Variants in AGO2 observed in about 807,000 individuals in gnomAD.
AGO2 encodes protein argonaute-2.
In AGO2, 5 loss-of-function variants were observed where a neutral mutation model predicts 102.3. That is an observed-to-expected ratio of 0.05 (90% CI 0.03 to 0.10). AGO2 has a LOEUF of 0.10. Among genes scored for constraint, AGO2 ranks in the 10% least tolerant of loss-of-function variants. The pLI is 1.00. For missense variants in AGO2, 541 were observed against 1,183.7 expected (o/e 0.46, Z 7.97); for synonymous variants, 449 against 473.1 (o/e 0.95, Z 0.66).
At chr8:140,616,767 GGA>G (rs1468708303) in intron 1 of AGO2, among the ~76,000 whole-genome samples, 1 of 152,210 alleles carries the variant, frequency 6.6e-6, no homozygotes, top group Non-Finnish European at 1.5e-5. Flanking sequence ...AGCCTCAGGG[GGA>G]GAGAGCTCAC....
rs377097840 is a variant in AGO2, at chr8:140,532,344, C to T, written c.2471+72G>A. On this transcript the variant is annotated intron_variant, in intron 18 of 18. Transcript: ENST00000220592. ...GCTGGGGCCCTGCCCCTTCCCCTTC[C>T]AGAAAAGCAGCTGCCAATACCCGTG... The T allele has an allele frequency of 1.7e-4, 257 of 1,530,524 alleles. No individual in the cohort carries two copies. In the African/African-American group the frequency reaches 3.0e-3, roughly 18 times the overall value. 94.8% of individuals were successfully genotyped at this position (1,530,524 alleles called of 1,614,324 possible). A position where few individuals can be genotyped will look rare whatever the true frequency, so the allele number is the denominator to read the frequency against.
chr8:140,605,258 C>T (rs2073982564), intron 1 of AGO2, among the ~76,000 whole-genome samples: 1 of 152,120 alleles, frequency 6.6e-6, no homozygotes, highest in South Asian at 2.1e-4. Flanking sequence ...CCATGCCCGG[C>T]TAATTTTTTT....
intron 1 of AGO2, among the ~76,000 whole-genome samples, chr8:140,586,846 C>T (rs2073667173): frequency 6.6e-6 from 1 of 152,182 alleles, no homozygotes; most frequent in Non-Finnish European, 1.5e-5. Context: ...GAATCTGGCC[C>T]TGTGGCCAAT....
At chr8:140,599,563 C>T (rs2073900264) in intron 1 of AGO2, among the ~76,000 whole-genome samples, 1 of 152,176 alleles carries the variant, frequency 6.6e-6, no homozygotes, top group African/African-American at 2.4e-5. Context: ...TGAATTTACA[C>T]TACCTATGGG....
At chr8:140,631,992 C>CA (rs1259924259) in intron 1 of AGO2, among the ~76,000 whole-genome samples, 3 of 152,302 alleles carry the variant, frequency 2.0e-5, no homozygotes, top group South Asian at 4.1e-4. Flanking sequence ...TTTTAAAACT[C>CA]AAATGTTATG....
chr8:140,602,503 C>T (rs1034782656), intron 1 of AGO2, among the ~76,000 whole-genome samples: 3 of 152,116 alleles, frequency 2.0e-5, no homozygotes, highest in South Asian at 2.1e-4. Context: ...ATCACGGTGG[C>T]GTTAGAAAAC....
At chr8:140,584,719 G>GTAT (rs2073623170) in intron 2 of AGO2, among the ~76,000 whole-genome samples, 2 of 152,124 alleles carry the variant, frequency 1.3e-5, no homozygotes, top group Non-Finnish European at 2.9e-5. Context: ...TCGGGATTGA[G>GTAT]GGTGTGTCAC....
At chr8:140,545,259 C>G (rs73713175) in intron 13 of AGO2, among the ~76,000 whole-genome samples, 2,984 of 152,232 alleles carry the variant, frequency 0.02, 120 homozygotes, top group African/African-American at 0.069. Flanking sequence ...AGACTTCTCA[C>G]GGCCACAGCA....
chr8:140,542,361 C>G (rs1413905908), intron 14 of AGO2, among the ~76,000 whole-genome samples: 17 of 152,228 alleles, frequency 1.1e-4, no homozygotes, highest in Admixed American at 1.1e-3. Flanking sequence ...AGAACAAGTT[C>G]TTTCCCAGTT....
In AGO2 at chr8:140,569,500, A is replaced by G. The variant is rs28609976; in HGVS notation, c.336+3312T>C. Among the ~76,000 whole-genome samples the G allele has an allele frequency of 4.9e-3, 745 of 152,320 alleles. 10 individuals carry two copies. Among genetic ancestry groups the G allele is most frequent in the African/African-American group, 0.017 (700 of 41,564 alleles). ...TTTATAGTTGTCTCCATATGTTCCT[A>G]AACAGTGCTCCTTCTGGCCACCTTC... On this transcript the variant is annotated intron_variant, in intron 3 of 18. Transcript: ENST00000220592.
intron 10 of AGO2, among the ~76,000 whole-genome samples, chr8:140,554,065 T>C (rs2073052552): frequency 6.6e-6 from 1 of 152,250 alleles, no homozygotes; most frequent in South Asian, 2.1e-4. Context: ...CAAGCTCTTC[T>C]GTTTTTCAGA....
chr8:140,583,169 G>A (rs998075281), intron 2 of AGO2, among the ~76,000 whole-genome samples: 1 of 152,192 alleles, frequency 6.6e-6, no homozygotes, highest in Admixed American at 6.5e-5. Context: ...GGCTCCCTTG[G>A]CCTTTGGGCT....
At chr8:140,637,519 C>A (rs1445829246), upstream of AGO2, 1 of 152,296 alleles carries the variant, frequency 6.6e-6, no homozygotes, top group Non-Finnish European at 1.5e-5. Flanking sequence ...TTCATTGTGT[C>A]ACTTCTCTTT....
chr8:140,544,298 G>T lies in AGO2; in HGVS notation c.1754C>A (p.Pro585Gln), dbSNP rs1348977402. Residue 585 changes from proline (P) to glutamine (Q), a missense_variant, in exon 14 of 19, where the codon CCG becomes CAG. By Grantham distance (76) the Pro-to-Gln change is moderately conservative (BLOSUM62 -1). Transcript: ENST00000220592. ...NNILLPQGRPPVFQQPVIFLG... is the reference protein window; with the variant it reads ...NNILLPQGRPQVFQQPVIFLG... ...AAAGATGACGGGCTGCTGGAACACCGGCGGCCTGCGGAGAGGAGTGGCGTC... is the reference window on the plus strand; with the variant it reads ...AAAGATGACGGGCTGCTGGAACACCTGCGGCCTGCGGAGAGGAGTGGCGTC... 6.2e-7 allele frequency: 1 copy of T among 1,601,140 alleles called. No individual in the cohort carries two copies. Among genetic ancestry groups the T allele is most frequent in the Non-Finnish European group, 8.5e-7 (1 of 1,174,870 alleles).
chr8:140,535,380 G>C, intron 17 of AGO2, 88 bp downstream of exon 17: 17 of 1,308,908 alleles, frequency 1.3e-5, no homozygotes, highest in East Asian at 5.3e-5. Flanking sequence ...CACATCCCAC[G>C]TGCCAGCCAG....
intron 13 of AGO2, 88 bp from the exon 14 acceptor site, chr8:140,544,391 G>T (rs2072857624): frequency 9.2e-7 from 1 of 1,087,250 alleles, no homozygotes; most frequent in Non-Finnish European, 1.3e-6. Flanking sequence ...TTTGGAGGTG[G>T]TCAGTGTATC....
In AGO2 at chr8:140,610,049, A is replaced by G. The variant is rs1012558510; in HGVS notation, c.23-24738T>C. ...ACTCTAAAAAAAAAAAAAAAAAAAAAAAAAGAAAAGCCAGGTATGGTGGTG... is the reference window on the plus strand; with the variant it reads ...ACTCTAAAAAAAAAAAAAAAAAAAAGAAAAGAAAAGCCAGGTATGGTGGTG... On this transcript the variant is annotated intron_variant, in intron 1 of 18. Coordinates refer to ENST00000220592, the MANE Select transcript of AGO2 (RefSeq NM_012154.5). Among the ~76,000 whole-genome samples the G allele has an allele frequency of 1.1e-4, 16 of 143,812 alleles. No individual in the cohort carries two copies. The East Asian group carries it at 1.4e-3, about 12-fold the overall frequency. The allele number at this position is 143,812 out of a possible 152,430, so 94.3% of individuals were successfully genotyped here.
chr8:140,634,404 C>T (rs1019226280), intron 1 of AGO2, among the ~76,000 whole-genome samples: 2 of 152,300 alleles, frequency 1.3e-5, no homozygotes, highest in Admixed American at 1.3e-4. Flanking sequence ...AGCCCAGAGC[C>T]CGGCGGGGCC....
upstream of AGO2, among the ~76,000 whole-genome samples, chr8:140,638,940 G>GTGGTGCAA (rs1408242892): frequency 1.3e-5 from 2 of 152,138 alleles, no homozygotes; most frequent in Non-Finnish European, 2.9e-5. Flanking sequence ...CTGGAGTGCA[G>GTGGTGCAA]TGGTGCAATC....
Sources: allele counts gnomAD v4.1 joint callset (sites outside exome capture counted in the v4.1 genomes callset), GRCh38; gene constraint gnomAD v4.1.1; transcripts MANE v1.5; gene names NCBI Gene and HGNC (gene_info 2026-07-23, HGNC 2026-07-21).